PLSCR2: variants seen among roughly 807,000 people sequenced by gnomAD.
PLSCR2 encodes PL scramblase 2.
Under a neutral mutation model 25.3 loss-of-function variants are expected in PLSCR2, and 18 were observed. The observed-to-expected ratio is 0.71, with a 90% CI of 0.49 to 1.06. The LOEUF (loss-of-function observed/expected upper bound fraction) is 1.06, where lower values mean the gene tolerates loss of function less well. PLSCR2 is among the 50% of genes least tolerant of loss of function. The pLI, the probability that PLSCR2 is intolerant of heterozygous loss-of-function variation, is 0.00. For missense variants in PLSCR2, 243 were observed against 269.5 expected, an observed-to-expected ratio of 0.90 and a Z score of 0.69; for synonymous variants, 88 against 87.3, an observed-to-expected ratio of 1.01 and a Z score of -0.04.
chr3:146,475,465 T>G (rs1441739196), intron 1 of PLSCR2, among the ~76,000 whole-genome samples: 1 of 152,118 alleles, frequency 6.6e-6, no homozygotes, highest in Admixed American at 6.5e-5. Flanking sequence ...TTTACATGCT[T>G]CATAACTTGT....
intron 1 of PLSCR2, among the ~76,000 whole-genome samples, chr3:146,491,997 A>G (rs1004893157): frequency 6.6e-6 from 1 of 151,966 alleles, no homozygotes; most frequent in African/African-American, 2.4e-5. Context: ...TGTCCTTTGG[A>G]TGGGTCTTTG....
intron 1 of PLSCR2, among the ~76,000 whole-genome samples, chr3:146,467,860 A>C (rs2041939743): frequency 6.6e-6 from 1 of 152,160 alleles, no homozygotes; most frequent in Non-Finnish European, 1.5e-5. Context: ...CACTAGTAGA[A>C]GTCCTAAGCT....
chr3:146,433,820 G>A (rs2039654211), intron 8 of PLSCR2, among the ~76,000 whole-genome samples: 1 of 152,124 alleles, frequency 6.6e-6, no homozygotes, highest in Non-Finnish European at 1.5e-5. Flanking sequence ...TAGCTCCACT[G>A]CTATACCAAT....
At chr3:146,411,202 T>C (rs1308503279) in intron 2 of PLSCR2, among the ~76,000 whole-genome samples, 2 of 152,156 alleles carry the variant, frequency 1.3e-5, no homozygotes, top group Non-Finnish European at 1.5e-5. Context: ...CCCAGCGTTC[T>C]GGGACGTGAA....
intron 1 of PLSCR2, among the ~76,000 whole-genome samples, chr3:146,477,342 C>T (rs888426680): frequency 5.3e-5 from 8 of 152,128 alleles, no homozygotes; most frequent in African/African-American, 1.7e-4. Context: ...CAAGGGAAGC[C>T]GTGAGAGACT....
At chr3:146,491,102 T>C (rs1439052406) in intron 1 of PLSCR2, among the ~76,000 whole-genome samples, 5 of 152,134 alleles carry the variant, frequency 3.3e-5, no homozygotes, top group Non-Finnish European at 4.4e-5. Flanking sequence ...TCTTCACATT[T>C]GAAGCTCAAT....
chr3:146,394,915 C>T (rs561694314), intron 3 of PLSCR2, among the ~76,000 whole-genome samples: 1 of 152,302 alleles, frequency 6.6e-6, no homozygotes, highest in East Asian at 1.9e-4. Context: ...TTATATGCAT[C>T]TGGCATGTCC....
Position 146,444,292 on chromosome 3 carries a change from C to T in PLSCR2, c.646-2471G>A, listed in dbSNP as rs1018932208. On this transcript the variant is annotated intron_variant, in intron 6 of 6. Coordinates refer to ENST00000610787, the Ensembl canonical transcript of PLSCR2. ...TATTGGGTCCATTTGGTTTATAGTG[C>T]AGATTCAATTTGATGTTTTTTTGTT... 3.3e-5 allele frequency among the ~76,000 whole-genome samples: 5 copies of T among 151,916 alleles called. No individual in the cohort carries two copies. The South Asian group carries it at 1.0e-3, about 31-fold the overall frequency.
At chr3:146,392,634 C>T (rs1001040674) in intron 3 of PLSCR2, among the ~76,000 whole-genome samples, 1 of 109,738 alleles carries the variant, frequency 9.1e-6, no homozygotes, top group Non-Finnish European at 2.1e-5. Flanking sequence ...ATTTCCTATA[C>T]TTTCCTTAAT....
At chr3:146,494,040 T>C (rs1035741080) in intron 1 of PLSCR2, among the ~76,000 whole-genome samples, 4 of 152,212 alleles carry the variant, frequency 2.6e-5, no homozygotes, top group Middle Eastern at 3.4e-3. Context: ...AGGATGGAAA[T>C]AGAACAAGTT....
chr3:146,493,272 G>A (rs552994813), intron 1 of PLSCR2, among the ~76,000 whole-genome samples: 2 of 152,054 alleles, frequency 1.3e-5, no homozygotes, highest in South Asian at 2.1e-4. Flanking sequence ...TGAGGAGGAG[G>A]GACTATCTTC....
intron 1 of PLSCR2, among the ~76,000 whole-genome samples, chr3:146,479,836 G>C (rs543055432): frequency 6.6e-6 from 1 of 152,264 alleles, no homozygotes; most frequent in African/African-American, 2.4e-5. Context: ...ATAATTGGAA[G>C]TAAAGCACTC....
intron 1 of PLSCR2, among the ~76,000 whole-genome samples, chr3:146,474,747 A>T (rs2042229017): frequency 6.6e-6 from 1 of 151,700 alleles, no homozygotes; most frequent in Admixed American, 6.6e-5. Flanking sequence ...ACTTCTTTTC[A>T]TTCTCCCTGT....
At chr3:146,493,279 C>T (rs544913584) in intron 1 of PLSCR2, among the ~76,000 whole-genome samples, 1 of 152,264 alleles carries the variant, frequency 6.6e-6, no homozygotes, top group East Asian at 1.9e-4. Flanking sequence ...GAGGGACTAT[C>T]TTCTAACTCA....
chr3:146,492,694 A>G (rs2043593687), intron 1 of PLSCR2, among the ~76,000 whole-genome samples: 1 of 152,082 alleles, frequency 6.6e-6, no homozygotes, highest in African/African-American at 2.4e-5. Context: ...TCAAGAAGTT[A>G]GAAAGTACTC....
intron 2 of PLSCR2, among the ~76,000 whole-genome samples, chr3:146,397,183 C>T (rs1416357174): frequency 6.6e-6 from 1 of 152,118 alleles, no homozygotes; most frequent in Non-Finnish European, 1.5e-5. Flanking sequence ...AAAAATACCT[C>T]CCCTTCCACC....
intron 2 of PLSCR2, among the ~76,000 whole-genome samples, chr3:146,418,918 C>T (rs2039064693): frequency 1.3e-5 from 2 of 152,156 alleles, no homozygotes; most frequent in South Asian, 4.1e-4. Flanking sequence ...TGATTGAATA[C>T]TCTGAAATGT....
intron 6 of PLSCR2, among the ~76,000 whole-genome samples, chr3:146,445,517 T>C (rs2040497180): frequency 6.6e-6 from 1 of 152,150 alleles, no homozygotes; most frequent in African/African-American, 2.4e-5. Flanking sequence ...TGCTGCCAGA[T>C]GTATTGGATC....
At chr3:146,470,559 A>C (rs945281995) in intron 1 of PLSCR2, among the ~76,000 whole-genome samples, 5 of 152,156 alleles carry the variant, frequency 3.3e-5, no homozygotes, top group African/African-American at 1.2e-4. Context: ...ACAAACAAAC[A>C]AAAACACATG....
Sources: allele counts gnomAD v4.1 joint callset (sites outside exome capture counted in the v4.1 genomes callset), GRCh38; gene constraint gnomAD v4.1.1; transcripts MANE v1.5; gene names NCBI Gene and HGNC (gene_info 2026-07-23, HGNC 2026-07-21).